FSHR: variants seen among roughly 807,000 people sequenced by gnomAD.
FSHR encodes follicle-stimulating hormone receptor.
A neutral mutation model predicts 52.1 loss-of-function variants in FSHR; 46 were observed. That is an observed-to-expected ratio of 0.88 (90% confidence interval 0.70 to 1.13). The LOEUF is 1.13. Among genes scored for constraint, FSHR ranks in the 50% most tolerant of loss-of-function variants. The probability of loss-of-function intolerance (pLI) is 0.00; values close to 1 mark genes in which losing one functional copy is unlikely to be tolerated. For missense variants in FSHR, 964 were observed against 834.6 expected (o/e 1.16, Z -1.91); for synonymous variants, 399 against 309.6 (o/e 1.29, Z -3.03).
rs1188056264 is a variant in FSHR, at chr2:48,962,869, G to A, written c.1952C>T (p.Ala651Val). The A allele has an allele frequency of 1.2e-6, 2 of 1,614,002 alleles. No homozygotes were observed. Among genetic ancestry groups the A allele is most frequent in the Admixed American group, 3.3e-5 (2 of 59,996 alleles). ...TGAAGTTTCTGTCCTATAAATTTGG[G>A]CTTGCATTTCATAGCAGCCACACTT... ...LSKCGCYEMQ[A>V]QIYRTETSST... The change falls in exon 10 of 10, where the codon GCC (alanine) becomes GTC (valine). Residue 651 changes from alanine (A) to valine (V), a missense_variant. Coordinates refer to ENST00000406846, the MANE Select transcript of FSHR (RefSeq NM_000145.4).
chr2:49,051,429 A>T (rs2104302468), intron 2 of FSHR, among the ~76,000 whole-genome samples: 1 of 152,242 alleles, frequency 6.6e-6, no homozygotes, highest in South Asian at 2.1e-4. Context: ...GCATTTTGCT[A>T]ATGACTAATG....
chr2:48,992,049 C>T (rs1675807124), intron 4 of FSHR, among the ~76,000 whole-genome samples: 1 of 151,842 alleles, frequency 6.6e-6, no homozygotes, highest in Non-Finnish European at 1.5e-5. Flanking sequence ...TCTTGATTCC[C>T]TAATGTCCAC....
intron 4 of FSHR, among the ~76,000 whole-genome samples, chr2:48,992,159 G>T (rs1388387347): frequency 1.3e-5 from 2 of 151,844 alleles, no homozygotes; most frequent in Non-Finnish European, 2.9e-5. Context: ...TTTTTTGAAG[G>T]ATTTGTTGTG....
chr2:49,124,155 G>A (rs1276008164), intron 1 of FSHR, among the ~76,000 whole-genome samples: 2 of 122,238 alleles, frequency 1.6e-5, no homozygotes, highest in Non-Finnish European at 3.3e-5. Flanking sequence ...ACCACGTCCG[G>A]CTAATTTTTT....
intron 4 of FSHR, among the ~76,000 whole-genome samples, chr2:49,016,357 G>A (rs1168457290): frequency 6.6e-6 from 1 of 152,182 alleles, no homozygotes; most frequent in African/African-American, 2.4e-5. Flanking sequence ...GAATCTGGAT[G>A]ATTCAGTGAA....
rs1366232412 is a variant in FSHR at position 48,963,036 on chromosome 2, G to A, written c.1785C>T (p.Ala595=). The A allele has an allele frequency of 3.1e-6, 5 of 1,613,958 alleles. No homozygotes were observed. Among genetic ancestry groups the A allele is most frequent in the Non-Finnish European group, 4.2e-6 (5 of 1,179,996 alleles). ...CAGTGATGAGGGGCACCTTGAGGGAGGCAGAAATGGCAAAGAAAGAAATGG... is the reference window on the plus strand; with the variant it reads ...CAGTGATGAGGGGCACCTTGAGGGAAGCAGAAATGGCAAAGAAAGAAATGG... The part of the protein sequence containing the change: ...MAPISFFAIS[A]SLKVPLITVS... The change falls in exon 10 of 10, where the codon GCC becomes GCT. Residue 595 remains alanine (A), a synonymous_variant. Transcript: ENST00000406846.
chr2:49,070,533 T>TA (rs765575946), intron 1 of FSHR, among the ~76,000 whole-genome samples: 7 of 152,170 alleles, frequency 4.6e-5, no homozygotes, highest in Non-Finnish European at 7.4e-5. Context: ...CGCAACACTC[T>TA]AAAAGTTTTA....
chr2:49,107,811 G>A (rs981533967), intron 1 of FSHR, among the ~76,000 whole-genome samples: 5 of 152,136 alleles, frequency 3.3e-5, no homozygotes, highest in Non-Finnish European at 7.4e-5. Context: ...CTTAACAGCA[G>A]AGATGAAGTT....
At chr2:49,108,809 A>T (rs1671326567) in intron 1 of FSHR, among the ~76,000 whole-genome samples, 1 of 152,174 alleles carries the variant, frequency 6.6e-6, no homozygotes, top group South Asian at 2.1e-4. Context: ...TTTGAGGGAT[A>T]GTTAAAAATG....
intron 4 of FSHR, among the ~76,000 whole-genome samples, chr2:49,002,676 C>T (rs1666942998): frequency 1.3e-5 from 2 of 152,020 alleles, no homozygotes; most frequent in South Asian, 4.1e-4. Flanking sequence ...CAACTACCTC[C>T]CATGAAGTCC....
At chr2:48,988,830 A>G in intron 6 of FSHR, 147 bp downstream of exon 6, 1 of 698,574 alleles carries the variant, frequency 1.4e-6, no homozygotes, top group Non-Finnish European at 2.6e-6. Flanking sequence ...AAATGTAAAG[A>G]TGAGAGAGGA....
chr2:49,010,533 C>T lies in FSHR; in HGVS notation c.374+6956G>A, dbSNP rs1453591116. Among the ~76,000 whole-genome samples the T allele has an allele frequency of 2.0e-5, 3 of 151,884 alleles. No individual in the cohort carries two copies. In the South Asian group the frequency reaches 6.2e-4, roughly 32 times the overall value. Reference sequence around the variant, plus strand: ...GCCCGGCTTTGGTATCAGAATGATGCTGGCCTCATAAAATGAGTTAGGGAG... The same window carrying T: ...GCCCGGCTTTGGTATCAGAATGATGTTGGCCTCATAAAATGAGTTAGGGAG... On this transcript the variant is annotated intron_variant, in intron 4 of 9. Coordinates refer to ENST00000406846, the MANE Select transcript of FSHR (RefSeq NM_000145.4).
At chr2:49,056,466 A>ATATATATC (rs1267079893) in intron 2 of FSHR, among the ~76,000 whole-genome samples, 1 of 51,550 alleles carries the variant, frequency 1.9e-5, no homozygotes, top group Non-Finnish European at 5.1e-5. Context: ...ATATATATAT[A>ATATATATC]TATATATATA....
chr2:49,133,070 C>T (rs549210212), intron 1 of FSHR, among the ~76,000 whole-genome samples: 2 of 151,616 alleles, frequency 1.3e-5, no homozygotes, highest in African/African-American at 4.9e-5. Flanking sequence ...AGACCCCACT[C>T]CAGACTGCTG....
intron 8 of FSHR, among the ~76,000 whole-genome samples, chr2:48,976,181 A>G (rs1048900030): frequency 1.3e-5 from 2 of 152,206 alleles, no homozygotes; most frequent in Non-Finnish European, 2.9e-5. Context: ...GATTATTGAG[A>G]CTTTTTAGCA....
chr2:49,138,115 G>T lies in FSHR; in HGVS notation c.152+16151C>A, dbSNP rs529854454. 3.3e-5 allele frequency among the ~76,000 whole-genome samples: 5 copies of T among 152,220 alleles called. No individual in the cohort carries two copies. In the East Asian group the frequency reaches 5.8e-4, roughly 18 times the overall value. ...ATAAATGTCCAATAAGCCCATGAAAGATGCTTGGCATCATTAGCCATCAGG... is the reference window on the plus strand; with the variant it reads ...ATAAATGTCCAATAAGCCCATGAAATATGCTTGGCATCATTAGCCATCAGG... On this transcript the variant is annotated intron_variant, in intron 1 of 9. Transcript: ENST00000406846.
intron 1 of FSHR, among the ~76,000 whole-genome samples, chr2:49,127,533 C>CAT (rs977612233): frequency 6.6e-6 from 1 of 151,802 alleles, no homozygotes; most frequent in Non-Finnish European, 1.5e-5. Flanking sequence ...CACACACACA[C>CAT]ACACACACAC....
At chr2:48,978,532 G>T (rs1290193694) in intron 8 of FSHR, among the ~76,000 whole-genome samples, 1 of 152,210 alleles carries the variant, frequency 6.6e-6, no homozygotes, top group African/African-American at 2.4e-5. Flanking sequence ...GAATATGATT[G>T]TACTGGCTCC....
rs147700782 is a variant in FSHR, at chr2:49,118,222, C to T, written c.152+36044G>A. Among the ~76,000 whole-genome samples the T allele has an allele frequency of 1.8e-3, 272 of 151,994 alleles. 1 individual carries two copies. The highest frequency in any genetic ancestry group is 6.3e-3 in the African/African-American group (260 of 41,450). On this transcript the variant is annotated intron_variant, in intron 1 of 9. Coordinates refer to ENST00000406846, the MANE Select transcript of FSHR (RefSeq NM_000145.4). ...CCAGCAGGAGTTGAGAGATGTATTCCCAAGGAGGAAAGGAGGAAAGGAGCA... is the reference window on the plus strand; with the variant it reads ...CCAGCAGGAGTTGAGAGATGTATTCTCAAGGAGGAAAGGAGGAAAGGAGCA...
Sources: gnomAD v4.1 joint callset for allele counts (sites outside exome capture counted in the v4.1 genomes callset) on GRCh38, gnomAD v4.1.1 for gene constraint, MANE v1.5 for transcripts, NCBI Gene and HGNC (gene_info 2026-07-23, HGNC 2026-07-21) for gene names.